SLMAP: variants seen among roughly 807,000 people sequenced by gnomAD.
SLMAP encodes the protein sarcolemmal membrane-associated protein.
In SLMAP, 44 loss-of-function variants were observed where a neutral mutation model predicts 128.8. That is an observed-to-expected ratio of 0.34 (90% CI 0.27 to 0.44). The LOEUF is 0.44. Among genes scored for constraint, SLMAP ranks in the 20% least tolerant of loss-of-function variants. SLMAP has a pLI of 1.00. For missense variants in SLMAP, 787 were observed against 985.3 expected (o/e 0.80, Z 2.69); for synonymous variants, 327 against 348.8 (o/e 0.94, Z 0.70).
At position 57,757,594 on chromosome 3, in the gene SLMAP, G is replaced by A. The variant is rs2077832449; in HGVS notation, c.-58G>A. 2.6e-6 allele frequency: 4 copies of A among 1,560,028 alleles called. No individual in the cohort carries two copies. The highest frequency in any genetic ancestry group is 1.7e-5 in the Admixed American group (1 of 58,776). On this transcript the variant is annotated 5_prime_UTR_variant, in exon 2 of 25. Transcript: ENST00000671191. The stretch of plus-strand genomic sequence containing the variant: ...GGCATAGGCTTGTGAAGGGCAGTCC[G>A]GATCCGGAGGAACTCCTCTTTGTCC...
Position 57,807,020 on chromosome 3 carries a change from A to G in SLMAP, c.199-24363A>G, listed in dbSNP as rs1427614773. Among the ~76,000 whole-genome samples, 4 of 152,318 alleles carry G rather than the reference A, an allele frequency of 2.6e-5. No individual in the cohort carries two copies. In the East Asian group the frequency reaches 7.7e-4, roughly 29 times the overall value. ...GTTCCTGTTTCTCCACAGCCTCACC[A>G]GCATCTGTTGTTTCTTAGCTTTTTA... On this transcript the variant is annotated intron_variant, in intron 2 of 24. Coordinates refer to ENST00000671191, the MANE Select transcript of SLMAP (RefSeq NM_001377540.1).
At chr3:57,786,996 A>G (rs1460592029) in intron 2 of SLMAP, among the ~76,000 whole-genome samples, 1 of 152,054 alleles carries the variant, frequency 6.6e-6, no homozygotes, top group Non-Finnish European at 1.5e-5. Flanking sequence ...TCGGCCTCCC[A>G]AAGTGTTGGG....
chr3:57,822,538 AAGGAAAG>A (rs2092607390), intron 2 of SLMAP, among the ~76,000 whole-genome samples: 1 of 152,194 alleles, frequency 6.6e-6, no homozygotes. Context: ...AGTACTTGAT[AAGGAAAG>A]AGGCTGGTAA....
chr3:57,762,368 C>CA (rs201067236), intron 2 of SLMAP, among the ~76,000 whole-genome samples: 345 of 89,834 alleles, frequency 3.8e-3, no homozygotes, highest in African/African-American at 5.2e-3. Context: ...GACTCTGTCT[C>CA]AAAAAAAAAA....
At position 57,912,661 on chromosome 3, in the gene SLMAP, G is replaced by A; in HGVS notation, c.1980G>A (p.Gln660=). The A allele has an allele frequency of 6.2e-7, 1 of 1,613,894 alleles. No homozygotes were observed. Among genetic ancestry groups the A allele is most frequent in the Non-Finnish European group, 8.5e-7 (1 of 1,179,890 alleles). The change falls in exon 20 of 25, where the codon CAG becomes CAA. Residue 660 remains glutamine, a synonymous_variant. Coordinates refer to ENST00000671191, the MANE Select transcript of SLMAP (RefSeq NM_001377540.1). ...ACAGTTTTCAGCTTAGATGTCAACAGTGTGAGGACCAGCAGAGAGAAGAAG... is the reference window on the plus strand; with the variant it reads ...ACAGTTTTCAGCTTAGATGTCAACAATGTGAGGACCAGCAGAGAGAAGAAG... ...LQNSFQLRCQ[Q]CEDQQREEAT...
chr3:57,772,509 AT>A (rs1235598012), intron 2 of SLMAP, among the ~76,000 whole-genome samples: 4 of 152,202 alleles, frequency 2.6e-5, no homozygotes, highest in African/African-American at 9.6e-5. Context: ...TTGAGCACTT[AT>A]ACCTCAGCTT....
At chr3:57,901,560 T>G (rs2096379582) in intron 17 of SLMAP, 1 of 152,190 alleles carries the variant, frequency 6.6e-6, no homozygotes, top group Non-Finnish European at 1.5e-5. Context: ...AACTGCCAGT[T>G]TGCAGGACAT....
At chr3:57,827,919 C>A (rs2153540898) in intron 2 of SLMAP, among the ~76,000 whole-genome samples, 1 of 152,322 alleles carries the variant, frequency 6.6e-6, no homozygotes, top group East Asian at 1.9e-4. Flanking sequence ...TATAAGCATA[C>A]TCCCTTTCTA....
chr3:57,896,809 A>G lies in SLMAP; in HGVS notation c.1442-64A>G, dbSNP rs2153659860. 2.6e-6 allele frequency: 4 copies of G among 1,513,782 alleles called. No homozygotes were observed. The African/African-American group carries it at 5.6e-5, about 21-fold the overall frequency. The allele number at this position is 1,513,782 out of a possible 1,614,324, so 93.8% of individuals were successfully genotyped here. On this transcript the variant is annotated intron_variant, in intron 16 of 24. Transcript: ENST00000671191. ...AATTCCAATTGTTTGTTTTGATAAC[A>G]ATAGCTTGCTGATAGATCTGAATAC...
intron 2 of SLMAP, among the ~76,000 whole-genome samples, chr3:57,798,895 G>T (rs1371094789): frequency 6.6e-6 from 1 of 151,964 alleles, no homozygotes; most frequent in Non-Finnish European, 1.5e-5. Flanking sequence ...AAATGTTGTC[G>T]GTGAGCAAGT....
chr3:57,765,136 G>A (rs1265014101), intron 2 of SLMAP, among the ~76,000 whole-genome samples: 2 of 152,212 alleles, frequency 1.3e-5, no homozygotes, highest in Non-Finnish European at 2.9e-5. Context: ...AAGATTGCTT[G>A]AGGCCAGGAG....
At chr3:57,869,630 T>TTATATATATATATATATATATATAAA (rs2095422106) in intron 13 of SLMAP, among the ~76,000 whole-genome samples, 1 of 75,474 alleles carries the variant, frequency 1.3e-5, no homozygotes, top group Non-Finnish European at 2.5e-5. Flanking sequence ...CCCATCTCTA[T>TTATATATATATATATATATATATAAA]TATATATATA....
chr3:57,776,239 A>G (rs986428175), intron 2 of SLMAP, among the ~76,000 whole-genome samples: 3 of 152,152 alleles, frequency 2.0e-5, no homozygotes, highest in Non-Finnish European at 2.9e-5. Flanking sequence ...GGTACAGAAA[A>G]TGAAAATTTA....
intron 6 of SLMAP, among the ~76,000 whole-genome samples, chr3:57,856,838 C>G (rs1264310048): frequency 6.6e-6 from 1 of 152,152 alleles, no homozygotes; most frequent in African/African-American, 2.4e-5. Context: ...TTTACACCAA[C>G]ATCTCCTCAA....
At chr3:57,781,963 A>C (rs2083182373) in intron 2 of SLMAP, among the ~76,000 whole-genome samples, 1 of 152,000 alleles carries the variant, frequency 6.6e-6, no homozygotes. Context: ...CGAATTCCTG[A>C]CCTCAAGTGA....
chr3:57,840,850 T>C (rs1162748435), intron 3 of SLMAP, among the ~76,000 whole-genome samples: 2 of 152,218 alleles, frequency 1.3e-5, no homozygotes, highest in Non-Finnish European at 2.9e-5. Context: ...GAGTGGCATT[T>C]CTCAACTGTA....
rs957263670 is a variant in SLMAP, at chr3:57,891,068, T to C, written c.1360+968T>C. ...CATTGAGTTTCAGAACAGTGAACTA[T>C]TTTTAGTACATATGGCAATTTTTTT... On this transcript the variant is annotated intron_variant, in intron 15 of 24. Transcript: ENST00000671191. 4 of 152,180 alleles carry C rather than the reference T, an allele frequency of 2.6e-5. No homozygotes were observed. The East Asian group carries it at 5.8e-4, about 22-fold the overall frequency. 9.4% of individuals were successfully genotyped at this position (152,180 alleles called of 1,614,324 possible).
intron 17 of SLMAP, among the ~76,000 whole-genome samples, chr3:57,906,674 A>ATATAT (rs1553638373): frequency 1.5e-5 from 1 of 67,470 alleles, no homozygotes; most frequent in African/African-American, 5.3e-5. Context: ...ATGAAAAAAA[A>ATATAT]ATATATATAT....
intron 17 of SLMAP, among the ~76,000 whole-genome samples, chr3:57,904,881 A>G (rs184087327): frequency 8.5e-5 from 13 of 152,162 alleles, no homozygotes; most frequent in African/African-American, 2.7e-4. Context: ...CCCTGGTGCA[A>G]CATAGCAAGA....
Sources: allele counts gnomAD v4.1 joint callset (sites outside exome capture counted in the v4.1 genomes callset), GRCh38; gene constraint gnomAD v4.1.1; transcripts MANE v1.5; gene names NCBI Gene and HGNC (gene_info 2026-07-23, HGNC 2026-07-21).